UBE2E1: variants seen among roughly 807,000 people sequenced by gnomAD.
The protein encoded by UBE2E1 is ubiquitin-conjugating enzyme E2 E1.
In UBE2E1, 6 loss-of-function variants were observed where a neutral mutation model predicts 21.4. The observed-to-expected ratio is 0.28, with a 90% CI of 0.15 to 0.55. UBE2E1 has a LOEUF of 0.55. Among genes scored for constraint, UBE2E1 ranks in the 20% least tolerant of loss-of-function variants. UBE2E1 has a pLI of 0.93. For missense variants in UBE2E1, 142 were observed against 236.5 expected, an observed-to-expected ratio of 0.60 and a Z score of 2.62; for synonymous variants, 87 against 82.7, an observed-to-expected ratio of 1.05 and a Z score of -0.28.
At position 23,842,974 on chromosome 3, in the gene UBE2E1, A is replaced by G. The variant is rs1700126662; in HGVS notation, c.203+31464A>G. 6.6e-6 allele frequency among the ~76,000 whole-genome samples: 1 copy of G among 151,992 alleles called. No homozygotes were observed. Among genetic ancestry groups the G allele is most frequent in the Non-Finnish European group, 1.5e-5 (1 of 68,016 alleles). ...ATAACTTTATACCATAAAATATCCC[A>G]TGTGCTATTATACTGTGGCATAGCA... is the stretch of plus-strand genomic sequence containing the variant. On this transcript the variant is annotated intron_variant, in intron 3 of 5. Coordinates refer to ENST00000306627, the MANE Select transcript of UBE2E1 (RefSeq NM_003341.5). The surrounding 1 kb of genome is among the most constrained non-coding windows in gnomAD (Gnocchi z 4.6).
At chr3:23,888,657 G>T (rs1219767362) in intron 4 of UBE2E1, among the ~76,000 whole-genome samples, 2 of 152,114 alleles carry the variant, frequency 1.3e-5, no homozygotes, top group African/African-American at 4.8e-5. Context: ...TTCAAATTTT[G>T]TTCAGCCTTT....
At chr3:23,814,586 C>G (rs1432614303) in intron 3 of UBE2E1, among the ~76,000 whole-genome samples, 1 of 152,078 alleles carries the variant, frequency 6.6e-6, no homozygotes. Context: ...TAGCTCTATT[C>G]TTTTAGGGAA....
chr3:23,873,034 C>G (rs1007181792), intron 3 of UBE2E1, among the ~76,000 whole-genome samples: 4 of 151,764 alleles, frequency 2.6e-5, no homozygotes, highest in Admixed American at 2.6e-4. Flanking sequence ...AAAAAATTAA[C>G]CTAGAAGACT....
chr3:23,837,154 C>T (rs1699990107), intron 3 of UBE2E1, among the ~76,000 whole-genome samples: 1 of 152,158 alleles, frequency 6.6e-6, no homozygotes, highest in African/African-American at 2.4e-5. Context: ...GTATATAAAG[C>T]ACTTGGAACA....
intron 4 of UBE2E1, chr3:23,888,259 C>T (rs1252920768): frequency 4.4e-6 from 2 of 457,142 alleles, no homozygotes; most frequent in Admixed American, 2.3e-5. Context: ...CTTTCTAGGA[C>T]AGGTGAGGAT....
intron 3 of UBE2E1, among the ~76,000 whole-genome samples, chr3:23,844,124 G>A (rs550282257): frequency 5.3e-5 from 8 of 152,184 alleles, no homozygotes; most frequent in East Asian, 3.9e-4. Context: ...TCTCTAAGGC[G>A]CAGGCTACAG....
chr3:23,858,029 C>T (rs1700477174), intron 3 of UBE2E1, among the ~76,000 whole-genome samples: 1 of 152,026 alleles, frequency 6.6e-6, no homozygotes, highest in Non-Finnish European at 1.5e-5. Flanking sequence ...ACCATATTGG[C>T]CTGGCTGACC....
chr3:23,864,896 C>T (rs993381644), intron 3 of UBE2E1, among the ~76,000 whole-genome samples: 2 of 152,260 alleles, frequency 1.3e-5, no homozygotes, highest in Non-Finnish European at 2.9e-5. Context: ...GTCCTGCATG[C>T]ATAAGCTCTT....
At chr3:23,825,258 T>G (rs1227201569) in intron 3 of UBE2E1, among the ~76,000 whole-genome samples, 1 of 152,188 alleles carries the variant, frequency 6.6e-6, no homozygotes, top group Non-Finnish European at 1.5e-5. Flanking sequence ...CCTGTTTACT[T>G]GTGACCTTGG....
At chr3:23,815,278 G>A (rs1481881285) in intron 3 of UBE2E1, among the ~76,000 whole-genome samples, 1 of 152,128 alleles carries the variant, frequency 6.6e-6, no homozygotes, top group African/African-American at 2.4e-5. Flanking sequence ...CATGGTGCCT[G>A]GCCCTGATAC....
At chr3:23,852,333 G>A (rs1316926371) in intron 3 of UBE2E1, among the ~76,000 whole-genome samples, 1 of 151,914 alleles carries the variant, frequency 6.6e-6, no homozygotes, top group Non-Finnish European at 1.5e-5. Flanking sequence ...CATATTTTAT[G>A]CTTATGTTAA....
chr3:23,878,328 C>T (rs1272241068), intron 3 of UBE2E1, among the ~76,000 whole-genome samples: 1 of 152,242 alleles, frequency 6.6e-6, no homozygotes. Context: ...AGAAAACCTA[C>T]TCCCCACAGA....
intron 3 of UBE2E1, among the ~76,000 whole-genome samples, chr3:23,873,881 C>T (rs1410434925): frequency 6.6e-6 from 1 of 152,092 alleles, no homozygotes; most frequent in Non-Finnish European, 1.5e-5. Flanking sequence ...AAGTGGGCAA[C>T]AAAAAACTGA....
chr3:23,832,773 G>C (rs1286933517), intron 3 of UBE2E1, among the ~76,000 whole-genome samples: 1 of 152,206 alleles, frequency 6.6e-6, no homozygotes, highest in East Asian at 1.9e-4. Flanking sequence ...ACTCACACCT[G>C]TAATCTCAGC....
chr3:23,813,131 A>C (rs1278992160), intron 3 of UBE2E1, among the ~76,000 whole-genome samples: 1 of 152,168 alleles, frequency 6.6e-6, no homozygotes, highest in Non-Finnish European at 1.5e-5. Context: ...TTCAAGGTGA[A>C]ACGTTTGGGA....
chr3:23,891,383 G>A lies in UBE2E1; in HGVS notation c.*777G>A, dbSNP rs1701452685. The A allele has an allele frequency of 6.6e-6, 1 of 152,090 alleles. No individual in the cohort carries two copies. The highest frequency in any genetic ancestry group is 1.5e-5 in the Non-Finnish European group (1 of 68,006). The allele number at this position is 152,090 out of a possible 1,614,324, so 9.4% of individuals were successfully genotyped here. On this transcript the variant is annotated 3_prime_UTR_variant, in exon 6 of 6. Coordinates refer to ENST00000306627, the MANE Select transcript of UBE2E1 (RefSeq NM_003341.5). ...TTCGCAGATTCTTCTGAAATCGATA[G>A]GTATCTGCTTCTAAAACAAGCTAAA...
Position 23,842,198 on chromosome 3 carries a change from G to GTTGTGTGTGT in UBE2E1, c.203+30688_203+30689insTTGTGTGTGT, listed in dbSNP as rs1553637705. Among the ~76,000 whole-genome samples the GTTGTGTGTGT allele has an allele frequency of 1.9e-5, 2 of 104,284 alleles. No individual in the cohort carries two copies. The highest frequency in any genetic ancestry group is 2.0e-5 in the Non-Finnish European group (1 of 50,894). 68.4% of individuals were successfully genotyped at this position (104,284 alleles called of 152,430 possible). On this transcript the variant is annotated intron_variant, in intron 3 of 5. Transcript: ENST00000306627. The surrounding 1 kb of genome is among the most constrained non-coding windows in gnomAD (Gnocchi z 4.6). ...TATGTCATGACCCAGTAAGTGAAGGGGTGTGTGTGTGTGTGTGTGTGTGTG... is the reference window on the plus strand; with the variant it reads ...TATGTCATGACCCAGTAAGTGAAGGGTTGTGTGTGTGTGTGTGTGTGTGTGTGTGTGTGTG...
At chr3:23,844,868 G>A (rs1700164195) in intron 3 of UBE2E1, among the ~76,000 whole-genome samples, 1 of 152,100 alleles carries the variant, frequency 6.6e-6, no homozygotes. Flanking sequence ...TAGCCCTGTG[G>A]TAAGGTAAAC....
Position 23,887,435 on chromosome 3 carries a change from T to C in UBE2E1, c.204-132T>C, listed in dbSNP as rs1392602834. 4.0e-6 allele frequency: 5 copies of C among 1,257,250 alleles called. No homozygotes were observed. The highest frequency in any genetic ancestry group is 4.3e-6 in the Non-Finnish European group (4 of 939,938). 77.9% of individuals were successfully genotyped at this position (1,257,250 alleles called of 1,614,324 possible). On this transcript the variant is annotated intron_variant, in intron 3 of 5. Transcript: ENST00000306627. This position sits in a 1 kb window ranked among gnomAD's most constrained non-coding sequence, Gnocchi z 4.4. ...TGTTGCAGTTCTGCATCCGTTTCTG[T>C]ACTTGTTTTGTAAAGAGAATCCACA...
Sources: allele counts gnomAD v4.1 joint callset (sites outside exome capture counted in the v4.1 genomes callset), GRCh38; gene constraint gnomAD v4.1.1; non-coding constraint Gnocchi (gnomAD v3.1); transcripts MANE v1.5; gene names NCBI Gene and HGNC (gene_info 2026-07-23, HGNC 2026-07-21).